Variants in AAK1 observed in about 807,000 individuals in gnomAD.
AAK1 encodes the protein AP2-associated protein kinase 1.
A neutral mutation model predicts 116.0 loss-of-function variants in AAK1; 37 were observed. That is an observed-to-expected ratio of 0.32 (90% CI 0.25 to 0.42). AAK1 has a LOEUF of 0.42. Among genes scored for constraint, AAK1 ranks in the 10% least tolerant of loss-of-function variants. The pLI, the probability that AAK1 is intolerant of heterozygous loss-of-function variation, is 1.00. For missense variants in AAK1, 919 were observed against 1,170.6 expected (o/e 0.79, Z 3.14); for synonymous variants, 458 against 439.9 (o/e 1.04, Z -0.51).
At chr2:69,617,300 T>C (rs971010873) in intron 2 of AAK1, among the ~76,000 whole-genome samples, 3 of 152,200 alleles carry the variant, frequency 2.0e-5, no homozygotes, top group Non-Finnish European at 4.4e-5. Flanking sequence ...TCAATTCACA[T>C]CGAGTTGCTT....
At chr2:69,593,980 T>G (rs1673151402) in intron 2 of AAK1, among the ~76,000 whole-genome samples, 2 of 152,264 alleles carry the variant, frequency 1.3e-5, no homozygotes, top group Admixed American at 1.3e-4. Context: ...CCTTCTCCAT[T>G]TTAATGTATT....
intron 3 of AAK1, among the ~76,000 whole-genome samples, chr2:69,552,221 T>C (rs1242902846): frequency 2.0e-5 from 3 of 152,132 alleles, no homozygotes; most frequent in Admixed American, 1.3e-4. Context: ...CTGTGTGGTA[T>C]TGGTAGAAGG....
chr2:69,521,195 G>A (rs1669761515), intron 10 of AAK1, among the ~76,000 whole-genome samples: 1 of 152,208 alleles, frequency 6.6e-6, no homozygotes, highest in South Asian at 2.1e-4. Context: ...TTAACACACT[G>A]ATCAAAATAT....
In AAK1 at chr2:69,464,194, AAACAACAACAAC is replaced by A. The variant is rs141290500; in HGVS notation, c.*11663_*11674del. 6.6e-6 allele frequency: 1 copy of A among 150,630 alleles called. No homozygotes were observed. The highest frequency in any genetic ancestry group is 1.5e-5 in the Non-Finnish European group (1 of 67,830). 9.3% of individuals were successfully genotyped at this position (150,630 alleles called of 1,614,324 possible). A position where few individuals can be genotyped will look rare whatever the true frequency, so the allele number is the denominator to read the frequency against. ...TCCTCAAAAGGCAGTAGAGATTTGG[AAACAACAACAAC>A]AACAACAACAACAACAACAAAACCA... On this transcript the variant is annotated 3_prime_UTR_variant, in exon 22 of 22. Coordinates refer to ENST00000409085, the MANE Select transcript of AAK1 (RefSeq NM_014911.5).
chr2:69,481,051 T>C, intron 18 of AAK1, 90 bp from the exon 19 acceptor site: 1 of 1,132,974 alleles, frequency 8.8e-7, no homozygotes, highest in South Asian at 1.6e-5. Flanking sequence ...TTCTTCTTTT[T>C]TTTTAATTCT....
intron 14 of AAK1, among the ~76,000 whole-genome samples, chr2:69,508,906 G>A (rs188031222): frequency 2.6e-5 from 4 of 152,268 alleles, no homozygotes; most frequent in South Asian, 2.1e-4. Context: ...GGAGAGACTC[G>A]GTCAGATCGA....
rs1246690665 is a variant in AAK1, at chr2:69,643,042, T to C, written c.-2A>G. The C allele has an allele frequency of 1.3e-6, 2 of 1,597,196 alleles. No homozygotes were observed. Among genetic ancestry groups the C allele is most frequent in the African/African-American group, 2.7e-5 (2 of 74,358 alleles). ...CCGGGAGTCGAAAAACTTCTTCATC[T>C]TGCGAATAGGGAGCAGCAAAGCAAA... On this transcript the variant is annotated 5_prime_UTR_variant, in exon 2 of 22. Transcript: ENST00000409085.
At chr2:69,619,437 G>A (rs1674488139) in intron 2 of AAK1, among the ~76,000 whole-genome samples, 2 of 151,988 alleles carry the variant, frequency 1.3e-5, no homozygotes, top group African/African-American at 4.8e-5. Flanking sequence ...CTTTCCCAAG[G>A]TTCAGCCTTG....
intron 2 of AAK1, among the ~76,000 whole-genome samples, chr2:69,586,978 A>C (rs1403482040): frequency 2.0e-5 from 3 of 152,162 alleles, no homozygotes; most frequent in Admixed American, 6.5e-5. Context: ...TCTTCAAGGA[A>C]CAAGGGACTT....
At chr2:69,639,219 A>G (rs1312815558) in intron 2 of AAK1, among the ~76,000 whole-genome samples, 1 of 152,170 alleles carries the variant, frequency 6.6e-6, no homozygotes. Context: ...ATAAATAAAC[A>G]TTTATTGTTT....
chr2:69,580,411 T>C (rs1672494460), intron 2 of AAK1, among the ~76,000 whole-genome samples: 1 of 152,326 alleles, frequency 6.6e-6, no homozygotes, highest in East Asian at 1.9e-4. Flanking sequence ...TATAAGTATG[T>C]GCAGACAACT....
intron 2 of AAK1, among the ~76,000 whole-genome samples, chr2:69,583,629 CAA>C (rs1672637243): frequency 6.6e-6 from 1 of 152,154 alleles, no homozygotes; most frequent in African/African-American, 2.4e-5. Context: ...GCTGAAAGTC[CAA>C]AGAGCCCGTT....
rs1199416900 is a variant in AAK1 at position 69,465,463 on chromosome 2, G to A, written c.*10406C>T. 21 of 1,290,912 alleles carry A rather than the reference G, an allele frequency of 1.6e-5. No homozygotes were observed. Among genetic ancestry groups the A allele is most frequent in the Middle Eastern group, 2.1e-4 (1 of 4,688 alleles). The allele number at this position is 1,290,912 out of a possible 1,614,324, so 80.0% of individuals were successfully genotyped here. Reference sequence around the variant, plus strand: ...CCTGATTTTGAAGGGAAGGGTGCTAGAGCAAATGGATCAGCAGCTGGCAGC... The same window carrying A: ...CCTGATTTTGAAGGGAAGGGTGCTAAAGCAAATGGATCAGCAGCTGGCAGC... On this transcript the variant is annotated 3_prime_UTR_variant, in exon 22 of 22. Coordinates refer to ENST00000409085, the MANE Select transcript of AAK1 (RefSeq NM_014911.5).
chr2:69,475,714 C>G lies in AAK1; in HGVS notation c.*155G>C. ...GGCCAAAGTGATTTTCTTTCCTTAT[C>G]ATTTCTACAGGAGAAGGCAAGGGGT... is the stretch of plus-strand genomic sequence containing the variant. On this transcript the variant is annotated 3_prime_UTR_variant, in exon 22 of 22. Transcript: ENST00000409085. The G allele has an allele frequency of 7.2e-7, 1 of 1,397,524 alleles. No homozygotes were observed. The highest frequency in any genetic ancestry group is 9.3e-7 in the Non-Finnish European group (1 of 1,075,690). 86.6% of individuals were successfully genotyped at this position (1,397,524 alleles called of 1,614,324 possible).
chr2:69,527,708 T>C (rs1451544760), intron 8 of AAK1, among the ~76,000 whole-genome samples: 2 of 152,228 alleles, frequency 1.3e-5, no homozygotes, highest in East Asian at 1.9e-4. Flanking sequence ...TTAATAATTA[T>C]AACCAAAACC....
chr2:69,610,557 T>C (rs1674032373), intron 2 of AAK1, among the ~76,000 whole-genome samples: 2 of 151,544 alleles, frequency 1.3e-5, no homozygotes. Flanking sequence ...AGCAAAAGAG[T>C]AGAAAGGCAA....
At chr2:69,477,091 G>T in intron 20 of AAK1, 101 bp from the exon 21 acceptor site, 1 of 654,744 alleles carries the variant, frequency 1.5e-6, no homozygotes, top group Non-Finnish European at 2.5e-6. Flanking sequence ...GTACAGCCCT[G>T]TTATTTTCAA....
At position 69,462,677 on chromosome 2, in the gene AAK1, A is replaced by G. The variant is rs1218254314; in HGVS notation, c.*13192T>C. 5.6e-5 allele frequency: 3 copies of G among 53,852 alleles called. No individual in the cohort carries two copies. Among genetic ancestry groups the G allele is most frequent in the African/African-American group, 1.6e-4 (3 of 18,792 alleles). The allele number at this position is 53,852 out of a possible 1,614,324, so 3.3% of individuals were successfully genotyped here. A position where few individuals can be genotyped will look rare whatever the true frequency, so the allele number is the denominator to read the frequency against. On this transcript the variant is annotated 3_prime_UTR_variant, in exon 22 of 22. Transcript: ENST00000409085. The stretch of plus-strand genomic sequence containing the variant: ...AGCGACAGAGCAAGACGCCGTCTTG[A>G]AAAAAAAAAAAAAAATTTCTGAGTT...
chr2:69,459,387 C>CTGTA lies in AAK1; in HGVS notation c.*16481_*16482insTACA, dbSNP rs1674287263. On this transcript the variant is annotated 3_prime_UTR_variant, in exon 22 of 22. Coordinates refer to ENST00000409085, the MANE Select transcript of AAK1 (RefSeq NM_014911.5). ...CAAGCCATCCTCCCACCTAAGCCTC[C>CTGTA]CAAGTAGCTGGGACTACAGGTGTGC... is the stretch of plus-strand genomic sequence containing the variant. 1 of 152,396 alleles carries CTGTA rather than the reference C, an allele frequency of 6.6e-6. No homozygotes were observed. Among genetic ancestry groups the CTGTA allele is most frequent in the African/African-American group, 2.4e-5 (1 of 41,416 alleles). The allele number at this position is 152,396 out of a possible 1,614,324, so 9.4% of individuals were successfully genotyped here.
Sources: allele counts gnomAD v4.1 joint callset (sites outside exome capture counted in the v4.1 genomes callset), GRCh38; gene constraint gnomAD v4.1.1; transcripts MANE v1.5; gene names NCBI Gene and HGNC (gene_info 2026-07-23, HGNC 2026-07-21).